The following OXR1 variants were observed in gnomAD, a reference collection of about 807,000 sequenced individuals.
The protein encoded by OXR1 is oxidation resistance 1.
Under a neutral mutation model 104.6 loss-of-function variants are expected in OXR1, and 41 were observed. That is an observed-to-expected ratio of 0.39 (90% confidence interval 0.31 to 0.51). OXR1 has a LOEUF of 0.51. Among genes scored for constraint, OXR1 ranks in the 20% least tolerant of loss-of-function variants. The probability of loss-of-function intolerance (pLI) is 0.77; values close to 1 mark genes in which losing one functional copy is unlikely to be tolerated. For synonymous variants in OXR1, 348 were observed against 348.4 expected (o/e 1.00, Z 0.01); for missense variants, 955 against 1,031.9 (o/e 0.93, Z 1.02).
At chr8:106,583,981 CA>C (rs1818440018) in intron 3 of OXR1, among the ~76,000 whole-genome samples, 2 of 151,572 alleles carry the variant, frequency 1.3e-5, no homozygotes, top group South Asian at 4.2e-4. Context: ...AAACCAAGGA[CA>C]CAGAAAAGAA....
intron 3 of OXR1, among the ~76,000 whole-genome samples, chr8:106,652,466 A>G (rs1824668630): frequency 6.6e-6 from 1 of 152,110 alleles, no homozygotes; most frequent in Admixed American, 6.5e-5. Context: ...CAAAAACACA[A>G]AGAAATTTGG....
intron 3 of OXR1, among the ~76,000 whole-genome samples, chr8:106,673,047 C>A (rs1827208276): frequency 6.6e-6 from 1 of 152,044 alleles, no homozygotes; most frequent in African/African-American, 2.4e-5. Context: ...TATAAAGATA[C>A]CCAAAAATGT....
chr8:106,623,257 T>A (rs1821870122), intron 3 of OXR1, among the ~76,000 whole-genome samples: 1 of 152,164 alleles, frequency 6.6e-6, no homozygotes, highest in African/African-American at 2.4e-5. Flanking sequence ...CTCATTCCTC[T>A]TTAATTTCTT....
chr8:106,696,320 AATATT>A (rs1830026646), intron 7 of OXR1, among the ~76,000 whole-genome samples: 1 of 152,198 alleles, frequency 6.6e-6, no homozygotes, highest in African/African-American at 2.4e-5. Context: ...TCTTTTTACT[AATATT>A]ACTGAATATT....
chr8:106,502,578 C>CA (rs1220233383), intron 2 of OXR1, among the ~76,000 whole-genome samples: 24 of 152,120 alleles, frequency 1.6e-4, no homozygotes. Flanking sequence ...GTATTCAACT[C>CA]AAATGTCTGC....
chr8:106,521,185 G>T (rs553590440), intron 3 of OXR1, among the ~76,000 whole-genome samples: 7 of 152,280 alleles, frequency 4.6e-5, no homozygotes, highest in Admixed American at 4.6e-4. Context: ...GGTATTGAAA[G>T]TTCCCTTTAC....
intron 2 of OXR1, among the ~76,000 whole-genome samples, chr8:106,458,990 G>A (rs1265992415): frequency 6.6e-6 from 1 of 152,128 alleles, no homozygotes; most frequent in African/African-American, 2.4e-5. Flanking sequence ...TGATTTAGAT[G>A]AGACTCTGGA....
At chr8:106,738,526 G>A (rs768215755) in intron 12 of OXR1, among the ~76,000 whole-genome samples, 29 of 151,810 alleles carry the variant, frequency 1.9e-4, no homozygotes, top group Non-Finnish European at 4.0e-4. Flanking sequence ...GTTGCTGAGC[G>A]TTGCTGCATT....
intron 2 of OXR1, among the ~76,000 whole-genome samples, chr8:106,389,308 G>T (rs911217947): frequency 5.3e-5 from 8 of 152,206 alleles, no homozygotes; most frequent in African/African-American, 1.9e-4. Context: ...TATAAGGAAA[G>T]ATAACTTTAG....
chr8:106,315,051 T>A (rs997993624), intron 1 of OXR1, among the ~76,000 whole-genome samples: 1 of 151,876 alleles, frequency 6.6e-6, no homozygotes, highest in Non-Finnish European at 1.5e-5. Flanking sequence ...TTTTTTTTTG[T>A]AAACTTGTCG....
intron 11 of OXR1, among the ~76,000 whole-genome samples, chr8:106,721,403 T>C (rs1173787086): frequency 6.6e-6 from 1 of 152,160 alleles, no homozygotes; most frequent in Non-Finnish European, 1.5e-5. Context: ...TTATTTAGTC[T>C]CCCACACATT....
At chr8:106,307,523 T>A (rs1813513764) in intron 1 of OXR1, among the ~76,000 whole-genome samples, 1 of 152,116 alleles carries the variant, frequency 6.6e-6, no homozygotes, top group Non-Finnish European at 1.5e-5. Flanking sequence ...ACTTAACTCT[T>A]CGGTTCCCAT....
At position 106,388,674 on chromosome 8, in the gene OXR1, G is replaced by A. The variant is rs1266873253; in HGVS notation, c.23+29038G>A. ...CCTGACCTTGTGATCCGCCCGCCTC[G>A]GCCTCCCAAAGTGCTGGGATTACAG... On this transcript the variant is annotated intron_variant, in intron 2 of 16. Transcript: ENST00000517566. 6.6e-5 allele frequency among the ~76,000 whole-genome samples: 10 copies of A among 152,054 alleles called. 1 individual carries two copies. The highest frequency in any genetic ancestry group is 2.0e-4 in the Admixed American group (3 of 15,252).
chr8:106,562,170 A>T (rs1213583344), intron 3 of OXR1, among the ~76,000 whole-genome samples: 1 of 152,038 alleles, frequency 6.6e-6, no homozygotes, highest in Non-Finnish European at 1.5e-5. Context: ...AATAACAAAA[A>T]TCCACCAGGC....
At chr8:106,443,635 T>C (rs1032512742) in intron 2 of OXR1, among the ~76,000 whole-genome samples, 1 of 152,184 alleles carries the variant, frequency 6.6e-6, no homozygotes, top group Non-Finnish European at 1.5e-5. Context: ...CTTTTCTTGT[T>C]GAATTGTTCC....
intron 2 of OXR1, among the ~76,000 whole-genome samples, chr8:106,379,818 C>T (rs116549499): frequency 0.025 from 3,792 of 152,122 alleles, 163 homozygotes; most frequent in African/African-American, 0.087. Context: ...GCTGGGATTA[C>T]AGGCATGAGC....
intron 2 of OXR1, among the ~76,000 whole-genome samples, chr8:106,474,421 A>C (rs1545518): frequency 0.024 from 3,604 of 151,968 alleles, 148 homozygotes; most frequent in African/African-American, 0.081. Flanking sequence ...AACTCCAATA[A>C]TCTCAAGAAG....
intron 2 of OXR1, among the ~76,000 whole-genome samples, chr8:106,403,534 G>T (rs1223657059): frequency 6.6e-6 from 1 of 152,326 alleles, no homozygotes; most frequent in East Asian, 1.9e-4. Context: ...CATGCTTGTG[G>T]TAAAATGTAT....
chr8:106,570,169 T>C (rs563196858), intron 3 of OXR1, among the ~76,000 whole-genome samples: 1 of 152,304 alleles, frequency 6.6e-6, no homozygotes, highest in South Asian at 2.1e-4. Flanking sequence ...TTCTCTGACT[T>C]TGACATTCAG....
Sources: gnomAD v4.1 joint callset for allele counts (sites outside exome capture counted in the v4.1 genomes callset) on GRCh38, gnomAD v4.1.1 for gene constraint, MANE v1.5 for transcripts, NCBI Gene and HGNC (gene_info 2026-07-23, HGNC 2026-07-21) for gene names.